Variants in SYN2 observed in about 807,000 individuals in gnomAD.
SYN2 encodes the protein synapsin-2.
In SYN2, 19 loss-of-function variants were observed where a neutral mutation model predicts 50.9. That is an observed-to-expected ratio of 0.37 (90% CI 0.26 to 0.55). SYN2 has a LOEUF of 0.55. Ranked by LOEUF, SYN2 falls within the 20% of genes least tolerant of loss-of-function variation. SYN2 has a pLI of 0.81. For missense variants in SYN2, 587 were observed against 576.4 expected (o/e 1.02, Z -0.19); for synonymous variants, 255 against 224.9 (o/e 1.13, Z -1.20).
chr3:12,065,144 C>G (rs151052552), intron 1 of SYN2, among the ~76,000 whole-genome samples: 263 of 152,128 alleles, frequency 1.7e-3, no homozygotes, highest in Non-Finnish European at 3.1e-3. Context: ...ATAAAAATTT[C>G]AATAAGGTAC....
intron 1 of SYN2, among the ~76,000 whole-genome samples, chr3:12,081,870 A>G (rs1325427187): frequency 2.0e-5 from 3 of 152,132 alleles, no homozygotes; most frequent in Non-Finnish European, 4.4e-5. Context: ...GAGCTTTCCT[A>G]TAGCTCACAT....
At chr3:12,068,008 G>T (rs1251202311) in intron 1 of SYN2, among the ~76,000 whole-genome samples, 1 of 152,204 alleles carries the variant, frequency 6.6e-6, no homozygotes, top group African/African-American at 2.4e-5. Flanking sequence ...GCAGTGAGCT[G>T]TGATTACATC....
At chr3:12,119,179 G>C (rs1486405329) in intron 1 of SYN2, among the ~76,000 whole-genome samples, 2 of 151,802 alleles carry the variant, frequency 1.3e-5, no homozygotes, top group East Asian at 1.9e-4. Flanking sequence ...AGAGAAGCAG[G>C]CTTCTTTTCT....
intron 1 of SYN2, among the ~76,000 whole-genome samples, chr3:12,044,211 A>C (rs1000354620): frequency 4.8e-5 from 7 of 146,890 alleles, no homozygotes; most frequent in African/African-American, 1.5e-4. Context: ...ACACACACAC[A>C]CACACACACA....
chr3:12,021,186 A>G (rs868738686), intron 1 of SYN2, among the ~76,000 whole-genome samples: 1 of 152,214 alleles, frequency 6.6e-6, no homozygotes, highest in Non-Finnish European at 1.5e-5. Context: ...ATTTTTCACC[A>G]TTATGACATA....
chr3:12,065,513 C>T (rs905535907), intron 1 of SYN2, among the ~76,000 whole-genome samples: 2 of 152,096 alleles, frequency 1.3e-5, no homozygotes, highest in Non-Finnish European at 2.9e-5. Flanking sequence ...AAATACTATA[C>T]AGCCATAAAA....
chr3:12,173,503 T>C (rs946804478), intron 10 of SYN2, among the ~76,000 whole-genome samples: 1 of 152,194 alleles, frequency 6.6e-6, no homozygotes, highest in African/African-American at 2.4e-5. Context: ...TTTCTCTTTT[T>C]CCAAAAGATT....
intron 1 of SYN2, among the ~76,000 whole-genome samples, chr3:12,112,199 T>C (rs570060129): frequency 6.6e-6 from 1 of 152,300 alleles, no homozygotes; most frequent in African/African-American, 2.4e-5. Context: ...AGCACTGGTG[T>C]ACAAGTAAAA....
chr3:12,096,219 T>G (rs937708295), intron 1 of SYN2, among the ~76,000 whole-genome samples: 1 of 152,234 alleles, frequency 6.6e-6, no homozygotes, highest in African/African-American at 2.4e-5. Flanking sequence ...TCTTAAAGCT[T>G]TCAGCCTTGC....
At chr3:12,179,980 A>C (rs1698186702) in intron 10 of SYN2, among the ~76,000 whole-genome samples, 1 of 152,008 alleles carries the variant, frequency 6.6e-6, no homozygotes, top group Non-Finnish European at 1.5e-5. Context: ...ACGGGGTCTC[A>C]CTCTGTTGCC....
intron 9 of SYN2, 79 bp from the exon 10 acceptor site, chr3:12,169,678 C>A: frequency 6.5e-7 from 1 of 1,538,156 alleles, no homozygotes. Flanking sequence ...TGGCTTAATT[C>A]CTACCCATTC....
intron 1 of SYN2, among the ~76,000 whole-genome samples, chr3:12,134,044 C>A (rs1696843850): frequency 6.6e-6 from 1 of 152,136 alleles, no homozygotes; most frequent in African/African-American, 2.4e-5. Flanking sequence ...GGTTGCACGA[C>A]ATTGTGAATA....
At chr3:12,006,523 C>T (rs928553729) in intron 1 of SYN2, among the ~76,000 whole-genome samples, 1 of 152,148 alleles carries the variant, frequency 6.6e-6, no homozygotes, top group Non-Finnish European at 1.5e-5. Flanking sequence ...AGCATGATAT[C>T]TCATTGCATT....
At chr3:12,010,849 T>G (rs1693898795) in intron 1 of SYN2, among the ~76,000 whole-genome samples, 1 of 152,234 alleles carries the variant, frequency 6.6e-6, no homozygotes, top group South Asian at 2.1e-4. Flanking sequence ...AGTACCTCCT[T>G]GTTACATTAT....
chr3:12,186,635 G>A (rs980538283), intron 11 of SYN2, among the ~76,000 whole-genome samples: 13 of 152,174 alleles, frequency 8.5e-5, no homozygotes, highest in Non-Finnish European at 1.5e-4. Context: ...TCTCCTGGTT[G>A]TGGGCATGAG....
At chr3:12,125,790 C>G (rs1030495634) in intron 1 of SYN2, among the ~76,000 whole-genome samples, 3 of 149,888 alleles carry the variant, frequency 2.0e-5, no homozygotes, top group Non-Finnish European at 4.4e-5. Context: ...AAACAGCAAG[C>G]TTCAAAATGG....
At chr3:12,061,492 G>T (rs1277875771) in intron 1 of SYN2, among the ~76,000 whole-genome samples, 1 of 152,046 alleles carries the variant, frequency 6.6e-6, no homozygotes, top group African/African-American at 2.4e-5. Flanking sequence ...TGAGAATGAG[G>T]TAAAGATGTC....
At position 12,187,522 on chromosome 3, in the gene SYN2, G is replaced by T; in HGVS notation, c.1523G>T (p.Gly508Val). Residue 508 changes from glycine (G) to valine (V), a missense_variant, in exon 12 of 13, where the codon GGA (glycine) becomes GTA (valine). By Grantham distance (109) the Gly-to-Val change is moderately radical. Coordinates refer to ENST00000621198, the MANE Select transcript of SYN2 (RefSeq NM_133625.6). ...CGGCCGGGCGGCCCCACCACCCACG[G>T]AGATGCACCCTCCAGCAGCAGCTCC... The part of the protein sequence containing the change: ...PQRPGGPTTH[G>V]DAPSSSSSLA... The T allele has an allele frequency of 6.4e-7, 1 of 1,552,608 alleles. No homozygotes were observed. Among genetic ancestry groups the T allele is most frequent in the Non-Finnish European group, 8.7e-7 (1 of 1,147,398 alleles).
intron 1 of SYN2, among the ~76,000 whole-genome samples, chr3:12,050,699 TTCTTC>T (rs1559399641): frequency 7.1e-6 from 1 of 141,472 alleles, no homozygotes; most frequent in African/African-American, 2.6e-5. Context: ...AATCTCATCT[TTCTTC>T]TCTTCTCTTT....
Sources: allele counts gnomAD v4.1 joint callset (sites outside exome capture counted in the v4.1 genomes callset), GRCh38; gene constraint gnomAD v4.1.1; transcripts MANE v1.5; gene names NCBI Gene and HGNC (gene_info 2026-07-23, HGNC 2026-07-21).